GCGR: variants seen among roughly 807,000 people sequenced by gnomAD.
GCGR encodes the protein glucagon receptor.
A neutral mutation model predicts 56.1 loss-of-function variants in GCGR; 41 were observed. That is an observed-to-expected ratio of 0.73 (90% CI 0.57 to 0.95). The LOEUF is 0.95. GCGR is among the 40% of genes least tolerant of loss of function. The pLI, the probability that GCGR is intolerant of heterozygous loss-of-function variation, is 0.00. For missense variants in GCGR, 595 were observed against 638.2 expected (o/e 0.93, Z 0.73); for synonymous variants, 278 against 271.1 (o/e 1.03, Z -0.25).
chr17:81,810,878 G>C lies in GCGR; in HGVS notation c.217G>C (p.Ala73Pro), dbSNP rs868431560. 1 of 1,502,590 alleles carries C rather than the reference G, an allele frequency of 6.7e-7. No homozygotes were observed. Among genetic ancestry groups the C allele is most frequent in the African/African-American group, 1.4e-5 (1 of 71,710 alleles). The allele number at this position is 1,502,590 out of a possible 1,614,324, so 93.1% of individuals were successfully genotyped here. A position where few individuals can be genotyped will look rare whatever the true frequency, so the allele number is the denominator to read the frequency against. ...GTATTCCTGCTGGCCGGACACCCCC[G>C]CCAATACCACGGCCAACATCTCCTG... ...DKYSCWPDTP[A>P]NTTANISCPW... is the part of the protein sequence containing the mutation. The change falls in exon 4 of 14, where the codon GCC becomes CCC. Residue 73 changes from alanine (A) to proline (P), a missense_variant. Physicochemically the swap from Ala to Pro is conservative, Grantham distance 27. Transcript: ENST00000400723. This position sits in a 1 kb window ranked among gnomAD's most constrained non-coding sequence, Gnocchi z 4.6.
chr17:81,808,241 G>A (rs949916485), intron 1 of GCGR, among the ~76,000 whole-genome samples: 16 of 152,366 alleles, frequency 1.1e-4, no homozygotes, highest in Admixed American at 2.6e-4. Flanking sequence ...CTCACGCTTG[G>A]CACATTGGCT....
chr17:81,804,300 G>T lies in GCGR; in HGVS notation c.-178+51G>T. 6.6e-6 allele frequency: 1 copy of T among 152,284 alleles called. No individual in the cohort carries two copies. The highest frequency in any genetic ancestry group is 1.8e-4 in the South Asian group (1 of 5,506). The allele number at this position is 152,284 out of a possible 1,614,324, so 9.4% of individuals were successfully genotyped here. ...GGGGACGTTGGGGAGTCGACCCGGT[G>T]GGGACAGAGACCGCGGGGCGGGCGC... On this transcript the variant is annotated intron_variant, in intron 1 of 13. Transcript: ENST00000400723. The surrounding 1 kb of genome is among the most constrained non-coding windows in gnomAD (Gnocchi z 8.2).
At chr17:81,809,719 C>G in intron 2 of GCGR, 63 bp from the exon 3 acceptor site, 1 of 1,308,604 alleles carries the variant, frequency 7.6e-7, no homozygotes, top group Non-Finnish European at 1.1e-6. Flanking sequence ...GCCTGTCTGT[C>G]TGCCTGTCTG....
Position 81,810,897 on chromosome 17 carries a change from TCTC to T in GCGR, c.239_241del (p.Ser80del), listed in dbSNP as rs1427131867. Reference sequence around the variant, plus strand: ...ACCCCCGCCAATACCACGGCCAACATCTCCTGCCCCTGGTACCTGCCTTGGCAC... The same window carrying T: ...ACCCCCGCCAATACCACGGCCAACATCTGCCCCTGGTACCTGCCTTGGCAC... On this transcript the variant is annotated inframe_deletion, in exon 4 of 14. Coordinates refer to ENST00000400723, the MANE Select transcript of GCGR (RefSeq NM_000160.5). The surrounding 1 kb of genome is among the most constrained non-coding windows in gnomAD (Gnocchi z 4.6). The T allele has an allele frequency of 3.9e-6, 6 of 1,530,116 alleles. No homozygotes were observed. The highest frequency in any genetic ancestry group is 1.4e-5 in the African/African-American group (1 of 72,482). 94.8% of individuals were successfully genotyped at this position (1,530,116 alleles called of 1,614,324 possible). A position where few individuals can be genotyped will look rare whatever the true frequency, so the allele number is the denominator to read the frequency against.
In GCGR at chr17:81,810,212, G is replaced by A. The variant is rs749600573; in HGVS notation, c.163+328G>A. On this transcript the variant is annotated intron_variant, in intron 3 of 13. Transcript: ENST00000400723. This position sits in a 1 kb window ranked among gnomAD's most constrained non-coding sequence, Gnocchi z 4.6. ...TTCAGTGGGCAGACAGTGCCAGGGC[G>A]TGGAAGCTGGGACCCAGGGGCCTGG... 9.9e-5 allele frequency: 43 copies of A among 433,964 alleles called. No individual in the cohort carries two copies. Among genetic ancestry groups the A allele is most frequent in the Non-Finnish European group, 1.5e-4 (34 of 230,912 alleles). 26.9% of individuals were successfully genotyped at this position (433,964 alleles called of 1,614,324 possible).
rs1409839782 is a variant in GCGR at position 81,812,404 on chromosome 17, A to G, written c.948+152A>G. The G allele has an allele frequency of 1.9e-6, 2 of 1,053,638 alleles. No homozygotes were observed. Among genetic ancestry groups the G allele is most frequent in the Admixed American group, 4.5e-5 (2 of 44,780 alleles). 65.3% of individuals were successfully genotyped at this position (1,053,638 alleles called of 1,614,324 possible). ...CAGGACACTGGCCAGCACCCTGGACACTGAGCCAGGCTGTTCCTCCCTGGC... is the reference window on the plus strand; with the variant it reads ...CAGGACACTGGCCAGCACCCTGGACGCTGAGCCAGGCTGTTCCTCCCTGGC... On this transcript the variant is annotated intron_variant, in intron 10 of 13. Coordinates refer to ENST00000400723, the MANE Select transcript of GCGR (RefSeq NM_000160.5). This position sits in a 1 kb window ranked among gnomAD's most constrained non-coding sequence, Gnocchi z 8.5.
At chr17:81,808,516 CTTTTTTTTTT>C (rs998083389) in intron 1 of GCGR, among the ~76,000 whole-genome samples, 3 of 134,798 alleles carry the variant, frequency 2.2e-5, no homozygotes, top group Non-Finnish European at 3.2e-5. Context: ...CTATCGCCCT[CTTTTTTTTTT>C]TTTTTTTTTT....
chr17:81,809,738 CCTGTCTGT>C (rs762597738), intron 2 of GCGR, 36 bp from the exon 3 acceptor site: 41 of 1,423,088 alleles, frequency 2.9e-5, no homozygotes, highest in Admixed American at 7.9e-5. Context: ...TGTCTGCCTG[CCTGTCTGT>C]CTGTCTGTCT....
chr17:81,806,225 C>CGCAGGGAACGGAGGACGCTCACACTTCT lies in GCGR; in HGVS notation c.-178+1980_-178+2007dup, dbSNP rs1568247845. Among the ~76,000 whole-genome samples, 1 of 152,118 alleles carries CGCAGGGAACGGAGGACGCTCACACTTCT rather than the reference C, an allele frequency of 6.6e-6. No individual in the cohort carries two copies. The highest frequency in any genetic ancestry group is 2.4e-5 in the African/African-American group (1 of 41,422). On this transcript the variant is annotated intron_variant, in intron 1 of 13. Transcript: ENST00000400723. The surrounding 1 kb of genome is among the most constrained non-coding windows in gnomAD (Gnocchi z 6.5). ...CCCTACCCATATGGGACCCACCACC[C>CGCAGGGAACGGAGGACGCTCACACTTCT]GCAGGGAACGGAGGACGCTCACACT...
At position 81,808,736 on chromosome 17, in the gene GCGR, G is replaced by A. The variant is rs1326695120; in HGVS notation, c.-177-106G>A. ...GGGTTTCACTGTGTTAGCCAGGATG[G>A]TCTCGATCTCCAGACCTCGTGATCC... On this transcript the variant is annotated intron_variant, in intron 1 of 13. Coordinates refer to ENST00000400723, the MANE Select transcript of GCGR (RefSeq NM_000160.5). 9.6e-6 allele frequency: 5 copies of A among 519,730 alleles called. No homozygotes were observed. The East Asian group carries it at 1.0e-4, about 11-fold the overall frequency. 32.2% of individuals were successfully genotyped at this position (519,730 alleles called of 1,614,324 possible).
Position 81,811,788 on chromosome 17 carries a change from C to G in GCGR, c.795C>G (p.Ser265Arg). 6.5e-7 allele frequency: 1 copy of G among 1,537,520 alleles called. No homozygotes were observed. Residue 265 changes from serine (S) to arginine (R), a missense_variant, in exon 8 of 14, where the codon AGC becomes AGG. Transcript: ENST00000400723. The surrounding 1 kb of genome is among the most constrained non-coding windows in gnomAD (Gnocchi z 5.8). ...CCCTCCCCGAGAGGAGCTTCTTCAG[C>G]CTCTACCTGGGCATCGGCTGGGGTG... ...LATLPERSFF[S>R]LYLGIGWGAP...
In GCGR at chr17:81,811,865, C is replaced by T; in HGVS notation, c.818-21C>T. 2 of 1,537,066 alleles carry T rather than the reference C, an allele frequency of 1.3e-6. No individual in the cohort carries two copies. The highest frequency in any genetic ancestry group is 1.7e-6 in the Non-Finnish European group (2 of 1,146,894). ...GGCAGGCTGACCAAGCCTTTGGGAC[C>T]ACAGCTGCTGCCCCCCACAGGTGCC... On this transcript the variant is annotated intron_variant, in intron 8 of 13. Coordinates refer to ENST00000400723, the MANE Select transcript of GCGR (RefSeq NM_000160.5). This position sits in a 1 kb window ranked among gnomAD's most constrained non-coding sequence, Gnocchi z 5.8.
At position 81,806,354 on chromosome 17, in the gene GCGR, G is replaced by C. The variant is rs375811742; in HGVS notation, c.-178+2105G>C. 3.0e-4 allele frequency among the ~76,000 whole-genome samples: 46 copies of C among 152,306 alleles called. No homozygotes were observed. In the East Asian group the frequency reaches 6.0e-3, roughly 20 times the overall value. ...CCCCTAGGGATCCGGGACTAGGGGT[G>C]CCCTATGGGGAGCCCACCTGTGGCC... On this transcript the variant is annotated intron_variant, in intron 1 of 13. Coordinates refer to ENST00000400723, the MANE Select transcript of GCGR (RefSeq NM_000160.5). The surrounding 1 kb of genome is among the most constrained non-coding windows in gnomAD (Gnocchi z 6.5).
rs1247800819 is a variant in GCGR at position 81,813,010 on chromosome 17, C to T, written c.1177-6C>T. 1 of 1,536,462 alleles carries T rather than the reference C, an allele frequency of 6.5e-7. No individual in the cohort carries two copies. The highest frequency in any genetic ancestry group is 1.4e-5 in the African/African-American group (1 of 73,164). On this transcript the variant is annotated splice_polypyrimidine_tract_variant and splice_region_variant and intron_variant, in intron 12 of 13. Coordinates refer to ENST00000400723, the MANE Select transcript of GCGR (RefSeq NM_000160.5). This position sits in a 1 kb window ranked among gnomAD's most constrained non-coding sequence, Gnocchi z 5.3. ...TGTGCCACCCCTGACCACCCTGTCTCTCCAGGGCCTGCTGGTGGCTGTCCT... is the reference window on the plus strand; with the variant it reads ...TGTGCCACCCCTGACCACCCTGTCTTTCCAGGGCCTGCTGGTGGCTGTCCT...
rs1598236892 is a variant in GCGR, at chr17:81,810,629, T to G, written c.164-196T>G. On this transcript the variant is annotated intron_variant, in intron 3 of 13. Coordinates refer to ENST00000400723, the MANE Select transcript of GCGR (RefSeq NM_000160.5). The surrounding 1 kb of genome is among the most constrained non-coding windows in gnomAD (Gnocchi z 4.6). ...CTAGCGGAGGCTGGTCCAGGGGAGG[T>G]GGATGGTCAGGTGAGGAAGGTGGAG... Among the ~76,000 whole-genome samples, 6 of 142,090 alleles carry G rather than the reference T, an allele frequency of 4.2e-5. No homozygotes were observed. The highest frequency in any genetic ancestry group is 5.4e-5 in the African/African-American group (2 of 37,378). 93.2% of individuals were successfully genotyped at this position (142,090 alleles called of 152,430 possible).
chr17:81,811,035 A>G lies in GCGR; in HGVS notation c.297A>G (p.Arg99=). Residue 99 remains arginine, a synonymous_variant, in exon 5 of 14, where the codon AGA becomes AGG. Transcript: ENST00000400723. This position sits in a 1 kb window ranked among gnomAD's most constrained non-coding sequence, Gnocchi z 5.8. ...TGCAACACCGCTTCGTGTTCAAGAG[A>G]TGCGGGCCCGACGGTCAGTGGGTGC... ...HKVQHRFVFK[R]CGPDGQWVRG... 1 of 1,536,048 alleles carries G rather than the reference A, an allele frequency of 6.5e-7. No individual in the cohort carries two copies. The highest frequency in any genetic ancestry group is 1.4e-5 in the African/African-American group (1 of 73,120).
At chr17:81,808,223 C>T (rs142111043) in intron 1 of GCGR, among the ~76,000 whole-genome samples, 8,557 of 152,340 alleles carry the variant, frequency 0.056, 337 homozygotes, top group Non-Finnish European at 0.08. Context: ...GGTCCAGGCA[C>T]CGCCACCCTC....
Position 81,812,194 on chromosome 17 carries a change from G to A in GCGR, c.890G>A (p.Ser297Asn), listed in dbSNP as rs575272671. ...CLFENVQCWT[S>N]NDNMGFWWIL... ...GCCTGGCCTCGCAGGTGCTGGACCA[G>A]CAATGACAACATGGGCTTCTGGTGG... is the stretch of plus-strand genomic sequence containing the variant. The change falls in exon 10 of 14, where the codon AGC becomes AAC. Residue 297 changes from serine to asparagine, a missense_variant. Physicochemically the swap from Ser to Asn is conservative, Grantham distance 46 (BLOSUM62 1). Coordinates refer to ENST00000400723, the MANE Select transcript of GCGR (RefSeq NM_000160.5). This position sits in a 1 kb window ranked among gnomAD's most constrained non-coding sequence, Gnocchi z 8.5. 9 of 1,536,226 alleles carry A rather than the reference G, an allele frequency of 5.9e-6. No homozygotes were observed. The African/African-American group carries it at 1.1e-4, about 19-fold the overall frequency.
chr17:81,811,652 C>T lies in GCGR; in HGVS notation c.659C>T (p.Ala220Val), dbSNP rs762346408. 52 of 1,536,274 alleles carry T rather than the reference C, an allele frequency of 3.4e-5. 1 individual carries two copies. Among genetic ancestry groups the T allele is most frequent in the Non-Finnish European group, 4.4e-5 (50 of 1,146,886 alleles). ...LSVSTWLSDG[A>V]VAGCRVAAVF... is the part of the protein sequence containing the mutation. ...GCGCTCACACTGCACCTGTACCAGGCGGTGGCTGGCTGCCGTGTGGCCGCG... is the reference window on the plus strand; with the variant it reads ...GCGCTCACACTGCACCTGTACCAGGTGGTGGCTGGCTGCCGTGTGGCCGCG... The change falls in exon 8 of 14, where the codon GCG becomes GTG. Residue 220 changes from alanine (A) to valine (V), a missense_variant and splice_region_variant. Ala to Val is a moderately conservative substitution (Grantham distance 64, BLOSUM62 0). Coordinates refer to ENST00000400723, the MANE Select transcript of GCGR (RefSeq NM_000160.5). The surrounding 1 kb of genome is among the most constrained non-coding windows in gnomAD (Gnocchi z 5.8).
Sources: gnomAD v4.1 joint callset for allele counts (sites outside exome capture counted in the v4.1 genomes callset) on GRCh38, gnomAD v4.1.1 for gene constraint, Gnocchi (gnomAD v3.1) non-coding constraint, MANE v1.5 for transcripts, NCBI Gene and HGNC (gene_info 2026-07-23, HGNC 2026-07-21) for gene names.